The following LIN7A variants were observed in gnomAD, a reference collection of about 807,000 sequenced individuals.
LIN7A encodes the protein protein lin-7 homolog A.
LIN7A carries 25 observed loss-of-function variants against 29.8 expected under a neutral mutation model. That is an observed-to-expected ratio of 0.84 (90% CI 0.61 to 1.17). LIN7A has a LOEUF of 1.17. LIN7A is among the 50% of genes most tolerant of loss of function. The pLI is 0.00. For missense variants in LIN7A, 239 were observed against 287.0 expected (o/e 0.83, Z 1.21); for synonymous variants, 118 against 107.5 (o/e 1.10, Z -0.60).
chr12:80,816,871 C>T (rs1403020214), intron 4 of LIN7A, among the ~76,000 whole-genome samples: 2 of 152,198 alleles, frequency 1.3e-5, no homozygotes, highest in African/African-American at 4.8e-5. Context: ...CAGGTCCAAG[C>T]GACTCTTGTG....
At chr12:80,881,064 T>A (rs1393059289) in intron 2 of LIN7A, among the ~76,000 whole-genome samples, 2 of 152,192 alleles carry the variant, frequency 1.3e-5, no homozygotes, top group African/African-American at 4.8e-5. Context: ...TATTTATGGT[T>A]TCTTTTGATT....
At chr12:80,917,138 G>C (rs148241037) in intron 1 of LIN7A, among the ~76,000 whole-genome samples, 26 of 152,262 alleles carry the variant, frequency 1.7e-4, no homozygotes, top group Non-Finnish European at 3.4e-4. Flanking sequence ...CTCAGGGTAA[G>C]TTATTATCTA....
intron 4 of LIN7A, among the ~76,000 whole-genome samples, chr12:80,841,010 A>T (rs1872780866): frequency 6.6e-6 from 1 of 152,166 alleles, no homozygotes; most frequent in Non-Finnish European, 1.5e-5. Flanking sequence ...ACTTTTACAC[A>T]CTGGTCTTGG....
In LIN7A at chr12:80,796,174, T is replaced by G. The variant is rs1870440773; in HGVS notation, c.*1553A>C. The G allele has an allele frequency of 6.6e-6, 1 of 152,188 alleles. No individual in the cohort carries two copies. Among genetic ancestry groups the G allele is most frequent in the Non-Finnish European group, 1.5e-5 (1 of 68,012 alleles). 9.4% of individuals were successfully genotyped at this position (152,188 alleles called of 1,614,324 possible). ...CTTCATACATTTCTATTTTGGGGGA[T>G]TATCTGAAGTGTCAAATTGTATTGT... On this transcript the variant is annotated 3_prime_UTR_variant, in exon 6 of 6. Transcript: ENST00000552864.
At chr12:80,868,658 T>C (rs1306895721) in intron 2 of LIN7A, among the ~76,000 whole-genome samples, 1 of 152,240 alleles carries the variant, frequency 6.6e-6, no homozygotes, top group Non-Finnish European at 1.5e-5. Context: ...AGCCATGTGT[T>C]ACGTGTCTTT....
chr12:80,869,748 GTTT>G (rs59507364), intron 2 of LIN7A, among the ~76,000 whole-genome samples: 6 of 146,538 alleles, frequency 4.1e-5, no homozygotes, highest in African/African-American at 1.5e-4. Context: ...TACGCCAATG[GTTT>G]TTTTTTTTTT....
chr12:80,925,471 T>A (rs1269409920), intron 1 of LIN7A, among the ~76,000 whole-genome samples: 1 of 152,210 alleles, frequency 6.6e-6, no homozygotes, highest in African/African-American at 2.4e-5. Context: ...GCACATGATA[T>A]CCAGGACTCA....
intron 5 of LIN7A, among the ~76,000 whole-genome samples, chr12:80,807,993 G>A (rs1871123501): frequency 6.6e-6 from 1 of 152,128 alleles, no homozygotes; most frequent in African/African-American, 2.4e-5. Flanking sequence ...GGCTTCCGGT[G>A]CAATAAAATC....
intron 1 of LIN7A, among the ~76,000 whole-genome samples, chr12:80,932,665 T>G (rs1182935793): frequency 6.6e-6 from 1 of 152,214 alleles, no homozygotes; most frequent in African/African-American, 2.4e-5. Flanking sequence ...GGCTTAAAAA[T>G]TAAGGGAACA....
intron 4 of LIN7A, among the ~76,000 whole-genome samples, chr12:80,832,174 A>C (rs1049257004): frequency 1.1e-4 from 17 of 152,204 alleles, no homozygotes; most frequent in African/African-American, 4.1e-4. Context: ...AGCTAAGGCA[A>C]TTAGGAGTAG....
chr12:80,876,076 C>G (rs2400844), intron 2 of LIN7A, among the ~76,000 whole-genome samples: 97,913 of 147,138 alleles, frequency 0.67, 36,571 homozygotes, highest in Non-Finnish European at 0.86. Context: ...CACACACACA[C>G]ACACAGAGAG....
At chr12:80,803,327 A>ATTTCAT (rs947621621) in intron 5 of LIN7A, among the ~76,000 whole-genome samples, 31 of 152,274 alleles carry the variant, frequency 2.0e-4, no homozygotes, top group East Asian at 1.5e-3. Flanking sequence ...TAAGGGTCCA[A>ATTTCAT]TTTCATTCTT....
chr12:80,864,324 T>C (rs1035646708), intron 2 of LIN7A, among the ~76,000 whole-genome samples: 3 of 145,984 alleles, frequency 2.1e-5, no homozygotes, highest in African/African-American at 7.6e-5. Context: ...CATATCAAGA[T>C]GAGAAAAAAA....
chr12:80,832,103 T>C (rs1039263620), intron 4 of LIN7A, among the ~76,000 whole-genome samples: 1 of 152,206 alleles, frequency 6.6e-6, no homozygotes, highest in African/African-American at 2.4e-5. Flanking sequence ...GTGGTGAGGC[T>C]TTGGCATATT....
intron 4 of LIN7A, among the ~76,000 whole-genome samples, chr12:80,815,042 A>T (rs1476826658): frequency 6.6e-6 from 1 of 152,194 alleles, no homozygotes; most frequent in Non-Finnish European, 1.5e-5. Flanking sequence ...TACTTGAAAA[A>T]TTTTTATTTC....
chr12:80,886,693 T>C (rs183815789), intron 2 of LIN7A, among the ~76,000 whole-genome samples: 15 of 152,270 alleles, frequency 9.9e-5, no homozygotes, highest in Admixed American at 4.6e-4. Context: ...AATTACATCA[T>C]CTGCTTTCCC....
rs112260352 is a variant in LIN7A at position 80,918,216 on chromosome 12, A to AT, written c.82+19424dup. 1.4e-3 allele frequency among the ~76,000 whole-genome samples: 205 copies of AT among 150,230 alleles called. 2 individuals are homozygous for AT. The highest frequency in any genetic ancestry group is 4.9e-3 in the South Asian group (23 of 4,694). On this transcript the variant is annotated intron_variant, in intron 1 of 5. Transcript: ENST00000552864. ...GCATGCACCACCAGGCCTGGCTGAT[A>AT]TTTTTTTTTATTTATTTTTTAATTT...
chr12:80,871,031 C>G (rs998317429), intron 2 of LIN7A, among the ~76,000 whole-genome samples: 3 of 152,122 alleles, frequency 2.0e-5, no homozygotes, highest in Admixed American at 6.5e-5. Context: ...ATGATCTAAG[C>G]CCCAAGGTCA....
rs1184466807 is a variant in LIN7A at position 80,795,021 on chromosome 12, G to A, written c.*2706C>T. The A allele has an allele frequency of 6.6e-6, 1 of 152,100 alleles. No homozygotes were observed. The highest frequency in any genetic ancestry group is 1.9e-4 in the East Asian group (1 of 5,196). 9.4% of individuals were successfully genotyped at this position (152,100 alleles called of 1,614,324 possible). A position where few individuals can be genotyped will look rare whatever the true frequency, so the allele number is the denominator to read the frequency against. ...CACCAGGATTTCTGGTGATATCGTAGAAGTTTTTTAAATTATAACGTTTAA... is the reference window on the plus strand; with the variant it reads ...CACCAGGATTTCTGGTGATATCGTAAAAGTTTTTTAAATTATAACGTTTAA... On this transcript the variant is annotated 3_prime_UTR_variant, in exon 6 of 6. Transcript: ENST00000552864.
Sources: allele counts gnomAD v4.1 joint callset (sites outside exome capture counted in the v4.1 genomes callset), GRCh38; gene constraint gnomAD v4.1.1; transcripts MANE v1.5; gene names NCBI Gene and HGNC (gene_info 2026-07-23, HGNC 2026-07-21).